The following SNX29 variants were observed in gnomAD, a reference collection of about 807,000 sequenced individuals.
The protein encoded by SNX29 is sorting nexin 29.
In SNX29, 78 loss-of-function variants were observed where a neutral mutation model predicts 102.1. That is an observed-to-expected ratio of 0.76 (90% confidence interval 0.64 to 0.92). The LOEUF is 0.92. Among genes scored for constraint, SNX29 ranks in the 40% least tolerant of loss-of-function variants. SNX29 has a pLI of 0.00. For synonymous variants in SNX29, 580 were observed against 414.5 expected (o/e 1.40, Z -4.85); for missense variants, 1,280 against 1,061.7 (o/e 1.21, Z -2.86).
intron 14 of SNX29, among the ~76,000 whole-genome samples, chr16:12,217,315 C>T (rs1185427113): frequency 6.6e-6 from 1 of 152,204 alleles, no homozygotes; most frequent in Non-Finnish European, 1.5e-5. Flanking sequence ...CCACCATGCC[C>T]AGCCCCCAAC....
chr16:12,543,593 C>G (rs1387737633), intron 20 of SNX29, among the ~76,000 whole-genome samples: 4 of 152,226 alleles, frequency 2.6e-5, no homozygotes, highest in African/African-American at 9.6e-5. Context: ...CGTCCCAGTT[C>G]ATCCTCCCCG....
intron 13 of SNX29, among the ~76,000 whole-genome samples, chr16:12,141,640 C>T (rs2054874191): frequency 6.6e-6 from 1 of 152,182 alleles, no homozygotes; most frequent in Non-Finnish European, 1.5e-5. Flanking sequence ...CACTTTTAGA[C>T]CATGTAGGAT....
intron 18 of SNX29, among the ~76,000 whole-genome samples, chr16:12,473,141 C>T (rs2087437594): frequency 6.6e-6 from 1 of 152,106 alleles, no homozygotes; most frequent in African/African-American, 2.4e-5. Flanking sequence ...CAATTTTGGG[C>T]CTAAGCCCTC....
chr16:12,331,102 C>T (rs2081279542), intron 15 of SNX29, among the ~76,000 whole-genome samples: 1 of 152,220 alleles, frequency 6.6e-6, no homozygotes, highest in African/African-American at 2.4e-5. Flanking sequence ...ACCCCATGGG[C>T]TCCTACCTTG....
At chr16:12,195,458 C>G (rs904140886) in intron 13 of SNX29, among the ~76,000 whole-genome samples, 2 of 152,192 alleles carry the variant, frequency 1.3e-5, no homozygotes, top group Non-Finnish European at 2.9e-5. Flanking sequence ...CTAAAGCTCA[C>G]CTGTCACCAA....
chr16:12,061,781 G>T, intron 9 of SNX29, 135 bp downstream of exon 9: 2 of 704,172 alleles, frequency 2.8e-6, no homozygotes, highest in Non-Finnish European at 4.7e-6. Flanking sequence ...TCAGGGCCAG[G>T]GGGAGCTCAC....
At chr16:11,989,544 C>T (rs960844014) in intron 1 of SNX29, among the ~76,000 whole-genome samples, 1 of 152,204 alleles carries the variant, frequency 6.6e-6, no homozygotes, top group Non-Finnish European at 1.5e-5. Flanking sequence ...GATAAAACCA[C>T]CACCGCACTC....
At chr16:12,135,769 C>CA (rs2054637251) in intron 13 of SNX29, 1 of 444,272 alleles carries the variant, frequency 2.3e-6, no homozygotes. Context: ...CCATTATACT[C>CA]ATAAGAGTCC....
chr16:12,426,625 A>C (rs2085090298), intron 18 of SNX29, among the ~76,000 whole-genome samples: 1 of 152,344 alleles, frequency 6.6e-6, no homozygotes, highest in South Asian at 2.1e-4. Flanking sequence ...AATTCTTTTT[A>C]AGGTGAATTT....
intron 14 of SNX29, among the ~76,000 whole-genome samples, chr16:12,260,215 A>G (rs925760753): frequency 2.0e-5 from 3 of 152,166 alleles, no homozygotes; most frequent in African/African-American, 7.2e-5. Flanking sequence ...CTTGGGTTTC[A>G]GGGATGATGA....
chr16:12,108,885 C>G (rs1054820849), intron 11 of SNX29, among the ~76,000 whole-genome samples: 3 of 152,026 alleles, frequency 2.0e-5, no homozygotes, highest in Non-Finnish European at 4.4e-5. Flanking sequence ...AATCCCAGCA[C>G]TTTGGGAGGC....
chr16:12,357,032 T>C (rs934816068), intron 16 of SNX29, among the ~76,000 whole-genome samples: 3 of 152,280 alleles, frequency 2.0e-5, no homozygotes, highest in African/African-American at 4.8e-5. Context: ...GTAGTGTCTT[T>C]GTAAACATTT....
At chr16:12,304,454 A>G (rs2013951) in intron 15 of SNX29, among the ~76,000 whole-genome samples, 64,205 of 152,164 alleles carry the variant, frequency 0.42, 15,372 homozygotes, top group Non-Finnish European at 0.57. Flanking sequence ...TTTAAAACAG[A>G]CATTTAATTC....
intron 14 of SNX29, among the ~76,000 whole-genome samples, chr16:12,208,124 A>G (rs2077091725): frequency 6.6e-6 from 1 of 152,182 alleles, no homozygotes; most frequent in Admixed American, 6.5e-5. Context: ...GGAGATGATT[A>G]TCATTCTCCT....
intron 18 of SNX29, among the ~76,000 whole-genome samples, chr16:12,427,149 T>C (rs1360468206): frequency 6.6e-6 from 1 of 152,122 alleles, no homozygotes; most frequent in Non-Finnish European, 1.5e-5. Context: ...GTAGCACCCC[T>C]TGGGGTCTGC....
At chr16:12,131,025 G>A (rs188637651) in intron 13 of SNX29, among the ~76,000 whole-genome samples, 18 of 152,296 alleles carry the variant, frequency 1.2e-4, no homozygotes, top group Admixed American at 6.5e-4. Flanking sequence ...CCTGGAAGTA[G>A]GATTGCTGGG....
chr16:12,536,551 G>A (rs995443649), intron 20 of SNX29, among the ~76,000 whole-genome samples: 4 of 152,146 alleles, frequency 2.6e-5, no homozygotes, highest in Non-Finnish European at 5.9e-5. Context: ...ACTAATTATA[G>A]CCCCTACCTC....
chr16:12,062,934 C>T (rs189123658), intron 9 of SNX29, among the ~76,000 whole-genome samples: 3 of 152,234 alleles, frequency 2.0e-5, no homozygotes, highest in East Asian at 1.9e-4. Flanking sequence ...CTCTGAGCGT[C>T]AGCATTCCTG....
chr16:12,318,093 G>C (rs1195395523), intron 15 of SNX29, among the ~76,000 whole-genome samples: 1 of 152,256 alleles, frequency 6.6e-6, no homozygotes, highest in Non-Finnish European at 1.5e-5. Flanking sequence ...TGCTGTGACT[G>C]AGACATCCTT....
Sources: gnomAD v4.1 joint callset for allele counts (sites outside exome capture counted in the v4.1 genomes callset) on GRCh38, gnomAD v4.1.1 for gene constraint, MANE v1.5 for transcripts, NCBI Gene and HGNC (gene_info 2026-07-23, HGNC 2026-07-21) for gene names.